SYNE2: variants seen among roughly 807,000 people sequenced by gnomAD.
SYNE2 encodes the protein spectrin repeat containing nuclear envelope protein 2.
Under a neutral mutation model 856.3 loss-of-function variants are expected in SYNE2, and 431 were observed. The ratio of observed to expected loss-of-function variants is 0.50; its 90% CI spans 0.47 to 0.55. SYNE2 has a LOEUF of 0.55. SYNE2 is among the 20% of genes least tolerant of loss of function. SYNE2 has a pLI of 0.00. For synonymous variants in SYNE2, 2,923 were observed against 2,872.3 expected (o/e 1.02, Z -0.56); for missense variants, 8,129 against 8,023.2 (o/e 1.01, Z -0.50).
At chr14:63,967,166 A>C (rs924852385) in intron 10 of SYNE2, among the ~76,000 whole-genome samples, 2 of 152,176 alleles carry the variant, frequency 1.3e-5, no homozygotes, top group African/African-American at 4.8e-5. Context: ...GCCTGGCCTG[A>C]TAACTCTTAA....
chr14:63,998,355 A>G lies in SYNE2; in HGVS notation c.3353+27A>G, dbSNP rs2096728769. ...TAAACTCTTTTTAAAAACAACTGGA[A>G]AATCCACCAGAAGTCTTTCATCGAT... On this transcript the variant is annotated intron_variant, in intron 26 of 115. Coordinates refer to ENST00000555002, the MANE Select transcript of SYNE2 (RefSeq NM_182914.3). 8 of 1,464,192 alleles carry G rather than the reference A, an allele frequency of 5.5e-6. No homozygotes were observed. The East Asian group carries it at 1.6e-4, about 29-fold the overall frequency. 90.7% of individuals were successfully genotyped at this position (1,464,192 alleles called of 1,614,324 possible).
In SYNE2 at chr14:64,062,350, T is replaced by C. The variant is rs572432539; in HGVS notation, c.10068-401T>C. On this transcript the variant is annotated intron_variant, in intron 49 of 115. Transcript: ENST00000555002. ...TAGGATAAGCTCTATATGTTTAGGA[T>C]ACAGTTCTTAAGGTAAATTGCAGAA... 3.3e-5 allele frequency among the ~76,000 whole-genome samples: 5 copies of C among 152,352 alleles called. No individual in the cohort carries two copies. In the South Asian group the frequency reaches 1.0e-3, roughly 32 times the overall value.
At chr14:64,135,729 T>A (rs1007230468) in intron 78 of SYNE2, among the ~76,000 whole-genome samples, 4 of 152,122 alleles carry the variant, frequency 2.6e-5, no homozygotes, top group African/African-American at 9.7e-5. Context: ...AAGAAAAAAA[T>A]TGTTCTAAGA....
rs1566578913 is a variant in SYNE2, at chr14:63,807,853, AT to A, written c.-304-44647del. The stretch of plus-strand genomic sequence containing the variant: ...TATATATATATATATATATATATAT[AT>A]ATATATATATAATTTCAATAGTTTT... On this transcript the variant is annotated intron_variant, in intron 1 of 23. Coordinates refer to the SYNE2 transcript ENST00000674003. Among the ~76,000 whole-genome samples, 13 of 100,652 alleles carry A rather than the reference AT, an allele frequency of 1.3e-4. 2 individuals are homozygous for A. The South Asian group carries it at 4.5e-3, about 35-fold the overall frequency. 66.0% of individuals were successfully genotyped at this position (100,652 alleles called of 152,430 possible). A position where few individuals can be genotyped will look rare whatever the true frequency, so the allele number is the denominator to read the frequency against.
chr14:64,074,850 G>A (rs974926774), intron 53 of SYNE2, among the ~76,000 whole-genome samples: 2 of 151,096 alleles, frequency 1.3e-5, no homozygotes, highest in East Asian at 2.0e-4. Context: ...AGCCGAGATC[G>A]TGCCGCTGCA....
intron 54 of SYNE2, 110 bp downstream of exon 54, chr14:64,076,210 C>G: frequency 4.1e-6 from 5 of 1,233,264 alleles, no homozygotes. Flanking sequence ...GCTATAACTT[C>G]TTTTAAGAGT....
chr14:64,081,331 A>T (rs753912578), intron 56 of SYNE2, 112 bp from the exon 57 acceptor site: 1 of 1,354,198 alleles, frequency 7.4e-7, no homozygotes, highest in South Asian at 1.2e-5. Context: ...GGGAGCAGAC[A>T]TCTGCAAGGC....
intron 1 of SYNE2, among the ~76,000 whole-genome samples, chr14:63,890,207 C>T (rs1191600956): frequency 3.3e-5 from 5 of 151,976 alleles, no homozygotes; most frequent in East Asian, 1.9e-4. Context: ...GGACTACAGG[C>T]GTGGGCCACC....
chr14:63,791,802 G>A lies in SYNE2; in HGVS notation c.-305+29816G>A, dbSNP rs368158973. On this transcript the variant is annotated intron_variant, in intron 1 of 23. Coordinates refer to the SYNE2 transcript ENST00000674003. The stretch of plus-strand genomic sequence containing the variant: ...ACTAAAAAATACAAAAAAATTAGCC[G>A]GGCGTGGTGGCAGGTGCCTGTAGTC... 1.1e-3 allele frequency among the ~76,000 whole-genome samples: 163 copies of A among 152,168 alleles called. 1 individual carries two copies. In the South Asian group the frequency reaches 0.016, roughly 15 times the overall value.
At chr14:63,911,861 G>A (rs2095477126) in intron 2 of SYNE2, among the ~76,000 whole-genome samples, 1 of 152,176 alleles carries the variant, frequency 6.6e-6, no homozygotes, top group Admixed American at 6.5e-5. Flanking sequence ...TGAGAAATGA[G>A]TGGTTTCTTA....
chr14:63,772,442 T>A (rs1886953422), intron 1 of SYNE2, among the ~76,000 whole-genome samples: 1 of 152,036 alleles, frequency 6.6e-6, no homozygotes, highest in South Asian at 2.1e-4. Context: ...ATCTTTTACT[T>A]TTAAGAAATC....
rs557753800 is a variant in SYNE2, at chr14:63,770,739, G to C, written c.-305+8753G>C. Among the ~76,000 whole-genome samples, 58 of 152,226 alleles carry C rather than the reference G, an allele frequency of 3.8e-4. 2 individuals carry two copies. In the South Asian group the frequency reaches 1.0e-2, roughly 26 times the overall value. ...CAGGAGATTGAGCCTGCAGTGAGCT[G>C]TGATTGTGCCACTGCACTCCAGCCT... is the stretch of plus-strand genomic sequence containing the variant. On this transcript the variant is annotated intron_variant, in intron 1 of 23. Transcript: ENST00000674003.
At chr14:63,961,262 T>TA (rs1191352409) in intron 8 of SYNE2, among the ~76,000 whole-genome samples, 5 of 152,354 alleles carry the variant, frequency 3.3e-5, no homozygotes, top group Non-Finnish European at 7.4e-5. Context: ...CCCATAGTGA[T>TA]ACTTTATTAT....
chr14:64,221,719 A>C lies in SYNE2; in HGVS notation c.20190+15A>C, dbSNP rs750910852. On this transcript the variant is annotated intron_variant, in intron 112 of 115. Transcript: ENST00000555002. ...GGGAACTAATGGTAAGTTTCCTCCC[A>C]AGGGCTCTGTACTGCCACCAGCCTC... 18 of 1,613,512 alleles carry C rather than the reference A, an allele frequency of 1.1e-5. No individual in the cohort carries two copies. The highest frequency in any genetic ancestry group is 1.4e-5 in the Non-Finnish European group (16 of 1,179,706).
At chr14:64,148,137 C>A (rs1289874516) in intron 84 of SYNE2, among the ~76,000 whole-genome samples, 2 of 152,106 alleles carry the variant, frequency 1.3e-5, no homozygotes, top group African/African-American at 2.4e-5. Context: ...GACGGTGAGA[C>A]CCCGTCTCTA....
chr14:64,004,495 A>T (rs902991819), intron 30 of SYNE2, among the ~76,000 whole-genome samples: 1 of 151,494 alleles, frequency 6.6e-6, no homozygotes, highest in Non-Finnish European at 1.5e-5. Context: ...ACGCCTGGCT[A>T]ATTTTTGTAT....
intron 110 of SYNE2, among the ~76,000 whole-genome samples, chr14:64,219,695 G>A (rs1470863081): frequency 6.6e-6 from 1 of 152,198 alleles, no homozygotes; most frequent in East Asian, 1.9e-4. Flanking sequence ...GGCATTTCTA[G>A]ACTTTTCTGG....
chr14:64,089,152 G>A (rs1350835697), intron 58 of SYNE2, among the ~76,000 whole-genome samples: 1 of 151,878 alleles, frequency 6.6e-6, no homozygotes, highest in African/African-American at 2.4e-5. Context: ...GATCACCTGC[G>A]GTCAGGAGTT....
At position 64,211,971 on chromosome 14, in the gene SYNE2, A is replaced by C. The variant is rs2098643767; in HGVS notation, c.18734A>C (p.Asn6245Thr). ...TCCCCACTTTTGCAGCATTTCACCA[A>C]CCAGAGGGAAGAATTTGAGGGCACC... ...AVLRRLRHFTNQREEFEGTRE... is the reference protein window; with the variant it reads ...AVLRRLRHFTTQREEFEGTRE... Residue 6245 changes from asparagine to threonine, a missense_variant, in exon 104 of 116, where the codon AAC becomes ACC. Asn to Thr is a moderately conservative substitution (Grantham distance 65). Coordinates refer to ENST00000555002, the MANE Select transcript of SYNE2 (RefSeq NM_182914.3). 1 of 1,614,054 alleles carries C rather than the reference A, an allele frequency of 6.2e-7. No individual in the cohort carries two copies. The highest frequency in any genetic ancestry group is 1.1e-5 in the South Asian group (1 of 91,062).
Sources: gnomAD v4.1 joint callset for allele counts (sites outside exome capture counted in the v4.1 genomes callset) on GRCh38, gnomAD v4.1.1 for gene constraint, MANE v1.5 for transcripts, NCBI Gene and HGNC (gene_info 2026-07-23, HGNC 2026-07-21) for gene names.